The following FHIT variants were observed in gnomAD, a reference collection of about 807,000 sequenced individuals.
FHIT encodes fragile histidine triad diadenosine triphosphatase, also known as bis(5'-adenosyl)-triphosphatase.
In FHIT, 19 loss-of-function variants were observed where a neutral mutation model predicts 17.9. That is an observed-to-expected ratio of 1.06 (90% CI 0.74 to 1.56). FHIT has a LOEUF of 1.56. Among genes scored for constraint, FHIT ranks in the 40% most tolerant of loss-of-function variants. The pLI is 0.00. For synonymous variants in FHIT, 81 were observed against 69.7 expected (o/e 1.16, Z -0.81); for missense variants, 248 against 189.2 (o/e 1.31, Z -1.82).
At chr3:59,919,302 T>C (rs1335606863) in intron 8 of FHIT, among the ~76,000 whole-genome samples, 1 of 152,150 alleles carries the variant, frequency 6.6e-6, no homozygotes, top group East Asian at 1.9e-4. Context: ...ACTCTTTAAG[T>C]GTTCATTTTT....
chr3:60,658,610 C>T (rs1475693439), intron 4 of FHIT, among the ~76,000 whole-genome samples: 1 of 152,046 alleles, frequency 6.6e-6, no homozygotes, highest in Non-Finnish European at 1.5e-5. Context: ...AAAAAATTAA[C>T]ATCTTCATGC....
At chr3:60,352,189 G>T (rs1699441357) in intron 5 of FHIT, among the ~76,000 whole-genome samples, 1 of 152,274 alleles carries the variant, frequency 6.6e-6, no homozygotes, top group South Asian at 2.1e-4. Flanking sequence ...GGCTGCATAA[G>T]AGCCAAGAGA....
chr3:60,697,109 A>T (rs2041131507), intron 4 of FHIT, among the ~76,000 whole-genome samples: 1 of 152,226 alleles, frequency 6.6e-6, no homozygotes. Flanking sequence ...GGATTGAATT[A>T]TTAATATTTC....
intron 3 of FHIT, among the ~76,000 whole-genome samples, chr3:60,890,374 G>C (rs981038132): frequency 3.9e-5 from 6 of 152,260 alleles, no homozygotes; most frequent in South Asian, 2.1e-4. Flanking sequence ...GCTGAATGCA[G>C]CCTAGTGATT....
At chr3:60,996,752 T>C (rs548257865) in intron 3 of FHIT, among the ~76,000 whole-genome samples, 5 of 152,344 alleles carry the variant, frequency 3.3e-5, no homozygotes, top group Admixed American at 3.3e-4. Flanking sequence ...CCTGCTTAAG[T>C]ATGGGTGCAT....
intron 3 of FHIT, among the ~76,000 whole-genome samples, chr3:61,022,154 T>TA (rs1317542826): frequency 2.6e-5 from 4 of 151,970 alleles, no homozygotes; most frequent in African/African-American, 9.7e-5. Context: ...CAAAAAATGA[T>TA]AAAGGGGATA....
chr3:61,068,995 T>C (rs1403575488), intron 2 of FHIT, among the ~76,000 whole-genome samples: 1 of 152,154 alleles, frequency 6.6e-6, no homozygotes, highest in Non-Finnish European at 1.5e-5. Context: ...ATATATTCAG[T>C]GAAATTCTTG....
At chr3:61,149,140 T>C (rs1038177629) in intron 2 of FHIT, among the ~76,000 whole-genome samples, 1 of 152,202 alleles carries the variant, frequency 6.6e-6, no homozygotes, top group African/African-American at 2.4e-5. Flanking sequence ...GGCTGAAAGG[T>C]CATCACCAGT....
chr3:60,894,530 T>G (rs1270590727), intron 3 of FHIT, among the ~76,000 whole-genome samples: 2 of 152,168 alleles, frequency 1.3e-5, no homozygotes, highest in Non-Finnish European at 2.9e-5. Flanking sequence ...TGGAGTCATT[T>G]GGGTGACAGC....
At chr3:60,443,431 T>C (rs146705100) in intron 5 of FHIT, among the ~76,000 whole-genome samples, 10,429 of 152,206 alleles carry the variant, frequency 0.069, 826 homozygotes, top group East Asian at 0.38. Context: ...GCTTTTATTA[T>C]TTTGAGATAC....
chr3:60,789,078 T>C (rs1250214446), intron 4 of FHIT, among the ~76,000 whole-genome samples: 2 of 150,552 alleles, frequency 1.3e-5, no homozygotes, highest in Non-Finnish European at 2.9e-5. Flanking sequence ...TATATACATA[T>C]ATAGAGAGAG....
intron 5 of FHIT, among the ~76,000 whole-genome samples, chr3:60,368,101 C>T (rs1037622277): frequency 4.7e-5 from 7 of 150,240 alleles, no homozygotes; most frequent in Non-Finnish European, 1.0e-4. Context: ...TGACTATGAA[C>T]ATTTGTGTAG....
chr3:60,559,159 G>C (rs1184841580), intron 4 of FHIT, among the ~76,000 whole-genome samples: 1 of 152,084 alleles, frequency 6.6e-6, no homozygotes, highest in African/African-American at 2.4e-5. Context: ...TAAATGGCAA[G>C]CTTCTTACTA....
chr3:60,976,090 C>CTTTTTTTTT (rs1710224532), intron 3 of FHIT, among the ~76,000 whole-genome samples: 2 of 58,084 alleles, frequency 3.4e-5, no homozygotes, highest in Non-Finnish European at 6.9e-5. Context: ...TTTCGTTTTT[C>CTTTTTTTTT]TTTTTCTTTT....
chr3:60,932,705 T>C (rs2107373953), intron 3 of FHIT, among the ~76,000 whole-genome samples: 1 of 152,322 alleles, frequency 6.6e-6, no homozygotes, highest in East Asian at 1.9e-4. Context: ...TTCACCATCT[T>C]TTTTGGTTCC....
At chr3:60,623,895 C>T (rs953863958) in intron 4 of FHIT, among the ~76,000 whole-genome samples, 19 of 152,176 alleles carry the variant, frequency 1.2e-4, no homozygotes, top group Non-Finnish European at 2.2e-4. Flanking sequence ...CCTCCATACC[C>T]CCCACTTCAG....
intron 4 of FHIT, among the ~76,000 whole-genome samples, chr3:60,657,375 C>T (rs1331718656): frequency 6.6e-6 from 1 of 152,240 alleles, no homozygotes; most frequent in East Asian, 1.9e-4. Context: ...CCAATAGATC[C>T]CCCTTGGGAA....
chr3:60,157,230 G>A (rs868400913), intron 5 of FHIT, among the ~76,000 whole-genome samples: 2 of 152,272 alleles, frequency 1.3e-5, no homozygotes, highest in East Asian at 3.9e-4. Flanking sequence ...CTGAAAGCAT[G>A]GTACGAAAGA....
intron 2 of FHIT, among the ~76,000 whole-genome samples, chr3:61,195,780 A>G (rs2038836916): frequency 6.6e-6 from 1 of 152,224 alleles, no homozygotes; most frequent in African/African-American, 2.4e-5. Context: ...TGGAAAAAAT[A>G]CTTAGCCTTA....
Sources: gnomAD v4.1 joint callset for allele counts (sites outside exome capture counted in the v4.1 genomes callset) on GRCh38, gnomAD v4.1.1 for gene constraint, MANE v1.5 for transcripts, NCBI Gene and HGNC (gene_info 2026-07-23, HGNC 2026-07-21) for gene names.